The following MCU variants were observed in gnomAD, a reference collection of about 807,000 sequenced individuals.
MCU encodes mitochondrial calcium uniporter, also known as calcium uniporter protein, mitochondrial.
MCU carries 12 observed loss-of-function variants against 45.2 expected under a neutral mutation model. The ratio of observed to expected loss-of-function variants is 0.27; its 90% CI spans 0.17 to 0.43. The LOEUF is 0.43. Among genes scored for constraint, MCU ranks in the 20% least tolerant of loss-of-function variants. The probability of loss-of-function intolerance (pLI) is 1.00; values close to 1 mark genes in which losing one functional copy is unlikely to be tolerated. For missense variants in MCU, 324 were observed against 436.7 expected, an observed-to-expected ratio of 0.74 and a Z score of 2.30; for synonymous variants, 160 against 165.1, an observed-to-expected ratio of 0.97 and a Z score of 0.24.
chr10:72,692,220 C>T lies in MCU; in HGVS notation c.69C>T (p.Ala23=). 1.6e-6 allele frequency: 2 copies of T among 1,246,116 alleles called. No homozygotes were observed. Among genetic ancestry groups the T allele is most frequent in the Non-Finnish European group, 1.0e-6 (1 of 989,276 alleles). 77.2% of individuals were successfully genotyped at this position (1,246,116 alleles called of 1,614,324 possible). Reference sequence around the variant, plus strand: ...CTCGGGGCGGCGGCGGCGGGGGCGCCGGCGGCTGCGGGGCGCTGACTGCCG... The same window carrying T: ...CTCGGGGCGGCGGCGGCGGGGGCGCTGGCGGCTGCGGGGCGCTGACTGCCG... The part of the protein sequence containing the change: ...LSSRGGGGGG[A]GGCGALTAGC... Residue 23 remains alanine, a synonymous_variant, in exon 1 of 8, where the codon GCC becomes GCT. Coordinates refer to ENST00000373053, the MANE Select transcript of MCU (RefSeq NM_138357.3).
intron 1 of MCU, among the ~76,000 whole-genome samples, chr10:72,781,784 G>T (rs1843998291): frequency 6.6e-6 from 1 of 151,876 alleles, no homozygotes; most frequent in Admixed American, 6.6e-5. Flanking sequence ...TCTTCCTTTG[G>T]TTGCTGCAGT....
chr10:72,711,288 T>G (rs1842891272), intron 1 of MCU, among the ~76,000 whole-genome samples: 1 of 149,038 alleles, frequency 6.7e-6, no homozygotes, highest in Non-Finnish European at 1.5e-5. Flanking sequence ...TGGTGCGATC[T>G]CGGCTCGCTG....
chr10:72,810,186 G>A (rs1844518097), intron 1 of MCU, among the ~76,000 whole-genome samples: 1 of 152,098 alleles, frequency 6.6e-6, no homozygotes, highest in South Asian at 2.1e-4. Flanking sequence ...AAGGAGTGGG[G>A]AGACTTCTTT....
At chr10:72,827,973 C>G (rs1844822932) in intron 1 of MCU, among the ~76,000 whole-genome samples, 1 of 152,152 alleles carries the variant, frequency 6.6e-6, no homozygotes, top group African/African-American at 2.4e-5. Context: ...GATGCTTCAA[C>G]AACTTTACTG....
intron 4 of MCU, among the ~76,000 whole-genome samples, chr10:72,867,438 C>T (rs1362271082): frequency 6.6e-6 from 1 of 152,102 alleles, no homozygotes; most frequent in African/African-American, 2.4e-5. Context: ...CCCTTTCAGT[C>T]GTTCTCATAA....
At chr10:72,863,314 T>G (rs1182206609) in intron 4 of MCU, among the ~76,000 whole-genome samples, 5 of 152,246 alleles carry the variant, frequency 3.3e-5, no homozygotes, top group Non-Finnish European at 7.3e-5. Context: ...GAAGGCACTG[T>G]GATTTTGTAT....
intron 1 of MCU, among the ~76,000 whole-genome samples, chr10:72,718,444 T>C (rs1306529574): frequency 6.6e-6 from 1 of 152,238 alleles, no homozygotes; most frequent in Non-Finnish European, 1.5e-5. Context: ...GGGAATGATG[T>C]GGATCAACTA....
chr10:72,742,204 G>A (rs1419523237), intron 1 of MCU, among the ~76,000 whole-genome samples: 1 of 152,092 alleles, frequency 6.6e-6, no homozygotes, highest in Non-Finnish European at 1.5e-5. Context: ...TTGTACAGGT[G>A]TGTAGCCTCG....
At chr10:72,786,710 C>G (rs753563173) in intron 1 of MCU, among the ~76,000 whole-genome samples, 48 of 152,254 alleles carry the variant, frequency 3.2e-4, no homozygotes, top group Non-Finnish European at 6.6e-4. Flanking sequence ...TGTGCCACTT[C>G]ACTCCAACCT....
chr10:72,822,852 T>A (rs1376670173), intron 1 of MCU, among the ~76,000 whole-genome samples: 1 of 151,284 alleles, frequency 6.6e-6, no homozygotes, highest in Non-Finnish European at 1.5e-5. Context: ...AAAAAAAAAA[T>A]GACAGTATCA....
chr10:72,702,438 G>T (rs1347483469), intron 1 of MCU, among the ~76,000 whole-genome samples: 1 of 152,148 alleles, frequency 6.6e-6, no homozygotes, highest in Non-Finnish European at 1.5e-5. Context: ...GAAGGGTTTG[G>T]TAACCTGGAG....
At chr10:72,748,912 A>G (rs927229697) in intron 1 of MCU, among the ~76,000 whole-genome samples, 6 of 152,228 alleles carry the variant, frequency 3.9e-5, no homozygotes, top group Non-Finnish European at 7.3e-5. Flanking sequence ...TTTGCCACAC[A>G]GCATCCTAAA....
intron 1 of MCU, among the ~76,000 whole-genome samples, chr10:72,794,410 C>T (rs1589463353): frequency 6.6e-6 from 1 of 152,144 alleles, no homozygotes; most frequent in Non-Finnish European, 1.5e-5. Flanking sequence ...GTCTTTCTGC[C>T]TATGGGGTTG....
intron 1 of MCU, among the ~76,000 whole-genome samples, chr10:72,825,346 CAT>C (rs1287403560): frequency 1.3e-5 from 2 of 152,206 alleles, no homozygotes; most frequent in African/African-American, 4.8e-5. Context: ...TGTACATACA[CAT>C]GTGTATATGC....
At chr10:72,696,494 T>G (rs1842689472) in intron 1 of MCU, among the ~76,000 whole-genome samples, 1 of 152,162 alleles carries the variant, frequency 6.6e-6, no homozygotes. Flanking sequence ...GTTTGAATCT[T>G]GATTTGTGTA....
At chr10:72,830,472 A>G (rs982874872) in intron 1 of MCU, among the ~76,000 whole-genome samples, 1 of 152,212 alleles carries the variant, frequency 6.6e-6, no homozygotes, top group African/African-American at 2.4e-5. Flanking sequence ...ACGGAAGGGG[A>G]AAAACTGGGT....
At chr10:72,708,001 C>T (rs1842845444) in intron 1 of MCU, among the ~76,000 whole-genome samples, 1 of 151,996 alleles carries the variant, frequency 6.6e-6, no homozygotes, top group Non-Finnish European at 1.5e-5. Context: ...AATTATAAAA[C>T]ATGTTGTATT....
chr10:72,706,221 CTT>C (rs1410907931), intron 1 of MCU, among the ~76,000 whole-genome samples: 7 of 134,094 alleles, frequency 5.2e-5, no homozygotes, highest in Admixed American at 1.5e-4. Flanking sequence ...ATGGTCTTAT[CTT>C]TTTTTTTTTT....
chr10:72,692,728 G>T, intron 1 of MCU: 1 of 1,268,296 alleles, frequency 7.9e-7, no homozygotes, highest in Non-Finnish European at 9.9e-7. Context: ...TGCCGCGGCC[G>T]CCTTGTGTGT....
Sources: allele counts gnomAD v4.1 joint callset (sites outside exome capture counted in the v4.1 genomes callset), GRCh38; gene constraint gnomAD v4.1.1; transcripts MANE v1.5; gene names NCBI Gene and HGNC (gene_info 2026-07-23, HGNC 2026-07-21).